Variants in ZSCAN5A observed in about 807,000 individuals in gnomAD.
ZSCAN5A encodes zinc finger and SCAN domain-containing protein 5A.
ZSCAN5A carries 12 observed loss-of-function variants against 23.7 expected under a neutral mutation model. The ratio of observed to expected loss-of-function variants is 0.51; its 90% CI spans 0.32 to 0.82. The LOEUF is 0.82. Ranked by LOEUF, ZSCAN5A falls within the 40% of genes least tolerant of loss-of-function variation. ZSCAN5A has a pLI of 0.03. For missense variants in ZSCAN5A, 597 were observed against 617.9 expected, an observed-to-expected ratio of 0.97 and a Z score of 0.36; for synonymous variants, 257 against 239.9, an observed-to-expected ratio of 1.07 and a Z score of -0.66.
In ZSCAN5A at chr19:56,244,155, G is replaced by T. The variant is rs534253526; in HGVS notation, c.-127-18982C>A. 1,166 of 1,605,648 alleles carry T rather than the reference G, an allele frequency of 7.3e-4. 2 individuals are homozygous for T. The highest frequency in any genetic ancestry group is 4.5e-3 in the South Asian group (408 of 90,864). ...GAAACTCAACTTGGAAATCATGACT[G>T]GGACCCTGAGACTTGTCACGTGAAC... On this transcript the variant is annotated intron_variant, in intron 2 of 5. Transcript: ENST00000683990.
intron 2 of ZSCAN5A, among the ~76,000 whole-genome samples, chr19:56,300,409 T>C (rs1217617137): frequency 6.6e-6 from 1 of 152,184 alleles, no homozygotes; most frequent in Non-Finnish European, 1.5e-5. Context: ...ATTGGCTTAA[T>C]CCAAGGGAAA....
At chr19:56,301,895 A>T (rs1433180848) in intron 2 of ZSCAN5A, 2 of 1,231,084 alleles carry the variant, frequency 1.6e-6, no homozygotes, top group Admixed American at 8.4e-5. Flanking sequence ...GAATGGAGAG[A>T]CAGCAGTGAC....
chr19:56,257,822 CCA>C (rs2036817969), intron 2 of ZSCAN5A, among the ~76,000 whole-genome samples: 4 of 142,242 alleles, frequency 2.8e-5, no homozygotes, highest in African/African-American at 1.1e-4. Flanking sequence ...CCACCACTGC[CCA>C]TCTTCTTAGA....
chr19:56,247,714 C>G (rs1021622482), intron 2 of ZSCAN5A, among the ~76,000 whole-genome samples: 1 of 150,992 alleles, frequency 6.6e-6, no homozygotes, highest in African/African-American at 2.4e-5. Context: ...TTTTTTGAGA[C>G]GGAGTCTTGT....
chr19:56,280,438 A>C (rs1308238592), intron 2 of ZSCAN5A, among the ~76,000 whole-genome samples: 1 of 152,044 alleles, frequency 6.6e-6, no homozygotes, highest in African/African-American at 2.4e-5. Flanking sequence ...TTAGACATAT[A>C]GGATATATAT....
intron 2 of ZSCAN5A, 74 bp from the exon 3 acceptor site, chr19:56,225,247 C>T: frequency 7.5e-7 from 1 of 1,339,756 alleles, no homozygotes; most frequent in Non-Finnish European, 9.7e-7. Flanking sequence ...AATCCCTCAT[C>T]CTGGATGCCA....
intron 2 of ZSCAN5A, among the ~76,000 whole-genome samples, chr19:56,268,171 G>T (rs1377428409): frequency 6.6e-6 from 1 of 152,198 alleles, no homozygotes. Context: ...GACATGGGTT[G>T]TCTATTCTAG....
At chr19:56,235,029 C>T (rs1009422760) in intron 2 of ZSCAN5A, among the ~76,000 whole-genome samples, 2 of 152,062 alleles carry the variant, frequency 1.3e-5, no homozygotes, top group East Asian at 3.8e-4. Flanking sequence ...CCTGTGATAA[C>T]GAGACAGAAG....
chr19:56,244,832 GA>G (rs758216509), intron 2 of ZSCAN5A, among the ~76,000 whole-genome samples: 2 of 151,598 alleles, frequency 1.3e-5, no homozygotes, highest in East Asian at 1.9e-4. Context: ...GCATTAGAGT[GA>G]ACTGAAGCGG....
At chr19:56,225,769 T>C (rs537724712) in intron 2 of ZSCAN5A, among the ~76,000 whole-genome samples, 1 of 152,310 alleles carries the variant, frequency 6.6e-6, no homozygotes, top group African/African-American at 2.4e-5. Flanking sequence ...ACATGCACCA[T>C]GTTGTACAAC....
At chr19:56,312,047 G>C (rs2041071430) in intron 2 of ZSCAN5A, 1 of 152,086 alleles carries the variant, frequency 6.6e-6, no homozygotes, top group South Asian at 2.1e-4. Context: ...TGAATAATAT[G>C]TACGATTTAA....
chr19:56,312,514 A>T (rs2041103537), intron 2 of ZSCAN5A: 1 of 152,296 alleles, frequency 6.6e-6, no homozygotes, highest in East Asian at 1.9e-4. Flanking sequence ...GCAGGAAGAC[A>T]TGGCAACTAA....
chr19:56,240,339 G>A (rs62122525), intron 2 of ZSCAN5A, among the ~76,000 whole-genome samples: 7,395 of 152,234 alleles, frequency 0.049, 246 homozygotes, highest in South Asian at 0.15. Context: ...CTGTGGGCAG[G>A]GTTTCATTGG....
At chr19:56,343,084 A>T (rs2041606942) in intron 2 of ZSCAN5A, 1 of 789,644 alleles carries the variant, frequency 1.3e-6, no homozygotes, top group Non-Finnish European at 2.3e-6. Context: ...CCTCATGCAG[A>T]GGGCGGCCTT....
Position 56,295,394 on chromosome 19 carries a change from G to C in ZSCAN5A, c.-128+17889C>G, listed in dbSNP as rs545018078. On this transcript the variant is annotated intron_variant, in intron 2 of 5. Coordinates refer to ENST00000683990, the MANE Select transcript of ZSCAN5A (RefSeq NM_001322064.3). ...GGATCACCTCAGGTCAGGAGTTCTA[G>C]ACCAGCCTGGCCAACGTGGTGAAAC... Among the ~76,000 whole-genome samples the C allele has an allele frequency of 2.0e-5, 3 of 152,184 alleles. No individual in the cohort carries two copies. In the South Asian group the frequency reaches 6.2e-4, roughly 32 times the overall value.
chr19:56,302,350 CTT>C (rs1192553622), intron 2 of ZSCAN5A, among the ~76,000 whole-genome samples: 7 of 143,478 alleles, frequency 4.9e-5, no homozygotes, highest in Non-Finnish European at 7.6e-5. Flanking sequence ...TTTCCTCTTC[CTT>C]TTTTCTTCCC....
intron 2 of ZSCAN5A, among the ~76,000 whole-genome samples, chr19:56,335,829 C>T (rs939934851): frequency 5.3e-4 from 81 of 152,154 alleles, no homozygotes; most frequent in Admixed American, 2.7e-3. Context: ...TATTTTATTT[C>T]TCTTTCACTT....
At chr19:56,324,871 T>C (rs2041418346) in intron 2 of ZSCAN5A, among the ~76,000 whole-genome samples, 1 of 152,196 alleles carries the variant, frequency 6.6e-6, no homozygotes, top group Admixed American at 6.5e-5. Context: ...TCTATTCCTA[T>C]ACATTAGTTA....
chr19:56,319,104 A>G (rs982102649), upstream of ZSCAN5A, among the ~76,000 whole-genome samples: 2 of 152,082 alleles, frequency 1.3e-5, no homozygotes, highest in Non-Finnish European at 2.9e-5. Flanking sequence ...CAAATGGAAA[A>G]TTTTTTCTTT....
Sources: allele counts gnomAD v4.1 joint callset (sites outside exome capture counted in the v4.1 genomes callset), GRCh38; gene constraint gnomAD v4.1.1; transcripts MANE v1.5; gene names NCBI Gene and HGNC (gene_info 2026-07-23, HGNC 2026-07-21).